ZC3H12B: variants seen among roughly 807,000 people sequenced by gnomAD.
ZC3H12B encodes zinc finger CCCH-type containing 12B.
ZC3H12B carries 7 observed loss-of-function variants against 43.9 expected under a neutral mutation model. The observed-to-expected ratio is 0.16, with a 90% CI of 0.09 to 0.30. The LOEUF (loss-of-function observed/expected upper bound fraction) is 0.30. Among genes scored for constraint, ZC3H12B ranks in the 10% least tolerant of loss-of-function variants. ZC3H12B has a pLI of 1.00. For synonymous variants in ZC3H12B, 222 were observed against 241.7 expected (o/e 0.92, Z 0.76); for missense variants, 475 against 670.2 (o/e 0.71, Z 3.22).
intron 3 of ZC3H12B, among the ~76,000 whole-genome samples, chrX:65,418,128 C>T (rs1409548876): frequency 6.3e-5 from 7 of 111,303 alleles, no homozygotes; most frequent in Admixed American, 5.7e-4. Flanking sequence ...TACAAAGAAG[C>T]TATAGCAAGT....
intron 3 of ZC3H12B, among the ~76,000 whole-genome samples, chrX:65,466,937 T>TA (rs1556248559): frequency 2.1e-5 from 1 of 48,688 alleles, no homozygotes; most frequent in Admixed American, 2.3e-4. Flanking sequence ...TATATATATA[T>TA]ATATATATAT....
At chrX:65,184,171 T>C in the ZC3H12B span, among the ~76,000 whole-genome samples, 27 of 111,631 alleles carry the variant, frequency 2.4e-4, no homozygotes, top group South Asian at 1.9e-3. Context: ...TTTTAGAATT[T>C]AACTTGTTTG....
chrX:65,448,979 G>GAAAGAAAGAAAGAA lies in ZC3H12B; in HGVS notation n.408-39666_408-39665insAAGAAAGAAAGAAA, dbSNP rs1158285090. Among the ~76,000 whole-genome samples the GAAAGAAAGAAAGAA allele has an allele frequency of 6.5e-3, 141 of 21,671 alleles. 1 individual carries two copies. In the Non-Finnish European group the frequency reaches 0.067, roughly 10 times the overall value. The allele number at this position is 21,671 out of a possible 115,157, so 18.8% of individuals were successfully genotyped here. A position where few individuals can be genotyped will look rare whatever the true frequency, so the allele number is the denominator to read the frequency against. On this transcript the variant is annotated intron_variant and non_coding_transcript_variant, in intron 3 of 5. Coordinates refer to the ZC3H12B transcript ENST00000617377. ...AAAAAGAAAGAAAGAAAGAAAGAAAGAGAAAGAAAGAAAGAGAGGAAAGAA... is the reference window on the plus strand; with the variant it reads ...AAAAAGAAAGAAAGAAAGAAAGAAAGAAAGAAAGAAAGAAAGAAAGAAAGAAAGAGAGGAAAGAA...
chrX:65,172,379 G>T, the ZC3H12B span, among the ~76,000 whole-genome samples: 1 of 110,414 alleles, frequency 9.1e-6, no homozygotes, highest in Admixed American at 9.7e-5. Context: ...TCTATATGTT[G>T]CCTGTTCACT....
At chrX:65,309,654 A>G in the ZC3H12B span, among the ~76,000 whole-genome samples, 1 of 112,306 alleles carries the variant, frequency 8.9e-6, no homozygotes, top group Non-Finnish European at 1.9e-5. Flanking sequence ...TGATGCCAGC[A>G]TCATTCTGAT....
At chrX:65,438,820 C>T (rs760776434) in intron 3 of ZC3H12B, among the ~76,000 whole-genome samples, 1 of 113,171 alleles carries the variant, frequency 8.8e-6, no homozygotes, top group South Asian at 3.6e-4. Flanking sequence ...CCCCATAAAC[C>T]CACAACCTTC....
chrX:65,188,514 TG>T, the ZC3H12B span, among the ~76,000 whole-genome samples: 1 of 110,862 alleles, frequency 9.0e-6, no homozygotes, highest in Non-Finnish European at 1.9e-5. Flanking sequence ...CCATTTTAAC[TG>T]GGGTGAGATT....
chrX:65,222,650 T>TAATA, the ZC3H12B span, among the ~76,000 whole-genome samples: 2 of 93,918 alleles, frequency 2.1e-5, no homozygotes, highest in Admixed American at 1.2e-4. Flanking sequence ...ATAATAATAA[T>TAATA]AAAACACTTA....
chrX:65,497,700 G>C, intron 2 of ZC3H12B, among the ~76,000 whole-genome samples: 1 of 111,939 alleles, frequency 8.9e-6, no homozygotes, highest in Middle Eastern at 4.6e-3. Flanking sequence ...ACAGCAGTCA[G>C]AGCCAACTTA....
intron 3 of ZC3H12B, among the ~76,000 whole-genome samples, chrX:65,433,605 C>G (rs1304635633): frequency 2.7e-5 from 3 of 111,720 alleles, no homozygotes; most frequent in African/African-American, 9.7e-5. Context: ...AGCTCCTAAT[C>G]TTATAAACCA....
At chrX:65,343,910 A>T in the ZC3H12B span, among the ~76,000 whole-genome samples, 1 of 111,959 alleles carries the variant, frequency 8.9e-6, no homozygotes. Context: ...TGATATGGTT[A>T]TACATCTACA....
At chrX:65,115,393 T>C in the ZC3H12B span, among the ~76,000 whole-genome samples, 1 of 111,806 alleles carries the variant, frequency 8.9e-6, no homozygotes, top group South Asian at 3.7e-4. Flanking sequence ...TCATTCATTT[T>C]TTTTTTGCTA....
the ZC3H12B span, among the ~76,000 whole-genome samples, chrX:65,223,317 ATCAAC>A: frequency 1.8e-5 from 2 of 111,499 alleles, no homozygotes; most frequent in African/African-American, 3.3e-5. Flanking sequence ...AAAAAAAAAA[ATCAAC>A]TCAACACGGC....
intron 3 of ZC3H12B, among the ~76,000 whole-genome samples, chrX:65,406,700 C>A (rs1602391748): frequency 9.0e-6 from 1 of 111,093 alleles, no homozygotes; most frequent in South Asian, 3.8e-4. Flanking sequence ...ACGCCAGAGG[C>A]GCGGGCGGCG....
chrX:65,399,167 A>T (rs1413504443), intron 3 of ZC3H12B, among the ~76,000 whole-genome samples: 5 of 112,490 alleles, frequency 4.4e-5, no homozygotes, highest in Non-Finnish European at 7.5e-5. Flanking sequence ...TGCACTGGCA[A>T]CCAACACACA....
chrX:65,101,159 G>A, the ZC3H12B span, among the ~76,000 whole-genome samples: 1 of 111,862 alleles, frequency 8.9e-6, no homozygotes, highest in Non-Finnish European at 1.9e-5. Flanking sequence ...GGCACATAAT[G>A]AAATTAACGC....
At chrX:65,121,338 G>C in the ZC3H12B span, among the ~76,000 whole-genome samples, 4 of 111,251 alleles carry the variant, frequency 3.6e-5, no homozygotes, top group South Asian at 1.5e-3. Context: ...GCCTGTTATT[G>C]GTCTATTCAG....
intron 3 of ZC3H12B, among the ~76,000 whole-genome samples, chrX:65,461,308 A>G (rs761836622): frequency 1.8e-5 from 2 of 111,736 alleles, no homozygotes; most frequent in African/African-American, 3.3e-5. Context: ...TTCTTCAGGG[A>G]TCTTGAACTA....
chrX:65,321,675 T>TAA, the ZC3H12B span, among the ~76,000 whole-genome samples: 5 of 89,884 alleles, frequency 5.6e-5, no homozygotes, highest in African/African-American at 1.2e-4. Context: ...GTAGACTGGA[T>TAA]AAAAAAAAAA....
Sources: allele counts gnomAD v4.1 joint callset (sites outside exome capture counted in the v4.1 genomes callset), GRCh38; gene constraint gnomAD v4.1.1; transcripts MANE v1.5; gene names NCBI Gene and HGNC (gene_info 2026-07-23, HGNC 2026-07-21).